RPRD1A: variants seen among roughly 807,000 people sequenced by gnomAD.
The protein encoded by RPRD1A is regulation of nuclear pre-mRNA domain-containing protein 1A.
In RPRD1A, 9 loss-of-function variants were observed where a neutral mutation model predicts 37.8. The observed-to-expected ratio is 0.24, with a 90% CI of 0.14 to 0.42. The LOEUF is 0.42. Among genes scored for constraint, RPRD1A ranks in the 10% least tolerant of loss-of-function variants. The pLI is 1.00. For synonymous variants in RPRD1A, 138 were observed against 139.7 expected, an observed-to-expected ratio of 0.99 and a Z score of 0.08; for missense variants, 255 against 371.0, an observed-to-expected ratio of 0.69 and a Z score of 2.57.
intron 1 of RPRD1A, among the ~76,000 whole-genome samples, chr18:36,057,056 A>T: frequency 8.0e-6 from 1 of 124,532 alleles, no homozygotes. Flanking sequence ...TTCTACAAAA[A>T]AAAAAAAAAA....
chr18:36,034,659 A>C (rs968034706), intron 1 of RPRD1A, among the ~76,000 whole-genome samples: 2 of 152,234 alleles, frequency 1.3e-5, no homozygotes, highest in Non-Finnish European at 2.9e-5. Flanking sequence ...AGTTATATTC[A>C]GAAGCATCAT....
At position 35,993,054 on chromosome 18, in the gene RPRD1A, C is replaced by A; in HGVS notation, c.*97G>T. 9.5e-7 allele frequency: 1 copy of A among 1,052,544 alleles called. No homozygotes were observed. Among genetic ancestry groups the A allele is most frequent in the Non-Finnish European group, 1.3e-6 (1 of 766,984 alleles). The allele number at this position is 1,052,544 out of a possible 1,614,324, so 65.2% of individuals were successfully genotyped here. On this transcript the variant is annotated 3_prime_UTR_variant, in exon 7 of 7. Transcript: ENST00000399022. ...CTCGTTGTTCCTTTTGTTAGTGTTT[C>A]TTTCTCAACAATATACAAAAATAAC...
intron 6 of RPRD1A, among the ~76,000 whole-genome samples, chr18:36,018,747 A>G (rs1910778650): frequency 6.6e-6 from 1 of 152,194 alleles, no homozygotes; most frequent in Non-Finnish European, 1.5e-5. Flanking sequence ...CTAAGTATAT[A>G]AAGTATTAAT....
At chr18:36,046,692 C>T (rs757626227) in intron 1 of RPRD1A, among the ~76,000 whole-genome samples, 2 of 151,690 alleles carry the variant, frequency 1.3e-5, no homozygotes, top group Non-Finnish European at 2.9e-5. Context: ...CAAAATCAGC[C>T]AGGCGTGGTG....
At chr18:36,022,201 G>A (rs1911040144) in intron 6 of RPRD1A, among the ~76,000 whole-genome samples, 2 of 152,206 alleles carry the variant, frequency 1.3e-5, no homozygotes, top group South Asian at 2.1e-4. Flanking sequence ...AGCTACAGAA[G>A]CAAAGTTTGA....
chr18:36,047,218 A>C (rs1228187502), intron 1 of RPRD1A, among the ~76,000 whole-genome samples: 1 of 151,292 alleles, frequency 6.6e-6, no homozygotes, highest in African/African-American at 2.4e-5. Context: ...GAAATAAATA[A>C]ATAAATAAAT....
At chr18:36,005,073 G>A (rs1158807014) in intron 6 of RPRD1A, among the ~76,000 whole-genome samples, 5 of 152,256 alleles carry the variant, frequency 3.3e-5, no homozygotes, top group South Asian at 2.1e-4. Context: ...AGGCCGAGGC[G>A]GGTGGATCAC....
intron 1 of RPRD1A, among the ~76,000 whole-genome samples, chr18:36,049,714 G>T (rs563402906): frequency 1.3e-5 from 2 of 152,250 alleles, no homozygotes; most frequent in African/African-American, 4.8e-5. Flanking sequence ...TTTATCTGTT[G>T]TTGGACACTT....
chr18:36,032,987 A>G (rs989009177), intron 2 of RPRD1A, among the ~76,000 whole-genome samples: 2 of 152,192 alleles, frequency 1.3e-5, no homozygotes, highest in East Asian at 1.9e-4. Flanking sequence ...TGCGATGTAC[A>G]AAATTACCCA....
chr18:36,035,181 C>A (rs1204604438), intron 1 of RPRD1A, among the ~76,000 whole-genome samples: 1 of 152,114 alleles, frequency 6.6e-6, no homozygotes, highest in Non-Finnish European at 1.5e-5. Context: ...CCTCTCAATC[C>A]CACCCACAAA....
At position 36,008,573 on chromosome 18, in the gene RPRD1A, G is replaced by GTATA. The variant is rs1339247337; in HGVS notation, c.790-15274_790-15273insTATA. Among the ~76,000 whole-genome samples, 4 of 36,638 alleles carry GTATA rather than the reference G, an allele frequency of 1.1e-4. 1 individual carries two copies. Among genetic ancestry groups the GTATA allele is most frequent in the African/African-American group, 4.9e-4 (4 of 8,088 alleles). The allele number at this position is 36,638 out of a possible 152,430, so 24.0% of individuals were successfully genotyped here. On this transcript the variant is annotated intron_variant, in intron 6 of 6. Coordinates refer to ENST00000399022, the MANE Select transcript of RPRD1A (RefSeq NM_018170.5). ...CCTGGGCGACACAGCAAGACCTTGT[G>GTATA]TGTGTATATATATATATCTTTAAAA...
At chr18:36,040,670 G>A (rs1912517261) in intron 1 of RPRD1A, 1 of 523,976 alleles carries the variant, frequency 1.9e-6, no homozygotes, top group African/African-American at 2.0e-5. Context: ...TTCAAAACTA[G>A]AGTTGTGATC....
rs138414015 is a variant in RPRD1A, at chr18:36,028,794, A to G, written c.487-1484T>C. Among the ~76,000 whole-genome samples, 310 of 152,348 alleles carry G rather than the reference A, an allele frequency of 2.0e-3. 1 individual carries two copies. Among genetic ancestry groups the G allele is most frequent in the African/African-American group, 6.8e-3 (284 of 41,584 alleles). On this transcript the variant is annotated intron_variant, in intron 4 of 6. Coordinates refer to ENST00000399022, the MANE Select transcript of RPRD1A (RefSeq NM_018170.5). ...TGAAGACCACAAAGCTGAACCATTGATAATTAAGCAGCACAACTAATCTAA... is the reference window on the plus strand; with the variant it reads ...TGAAGACCACAAAGCTGAACCATTGGTAATTAAGCAGCACAACTAATCTAA...
At chr18:36,047,698 T>C (rs1164400977) in intron 1 of RPRD1A, among the ~76,000 whole-genome samples, 48 of 152,120 alleles carry the variant, frequency 3.2e-4, no homozygotes, top group Admixed American at 3.1e-3. Flanking sequence ...TATGAACAAC[T>C]CTAGGCATAT....
intron 6 of RPRD1A, among the ~76,000 whole-genome samples, chr18:36,019,044 T>C (rs1160784923): frequency 4.7e-5 from 7 of 150,530 alleles, no homozygotes; most frequent in Non-Finnish European, 7.4e-5. Context: ...TGATACAAGA[T>C]GAGGTTAAAT....
chr18:36,059,713 C>T (rs145008081), intron 1 of RPRD1A, among the ~76,000 whole-genome samples: 1 of 152,060 alleles, frequency 6.6e-6, no homozygotes, highest in African/African-American at 2.4e-5. Flanking sequence ...AAATAAAAGA[C>T]AGATGGCACC....
At chr18:36,014,737 C>T (rs555250498) in intron 6 of RPRD1A, among the ~76,000 whole-genome samples, 33 of 151,974 alleles carry the variant, frequency 2.2e-4, no homozygotes, top group Admixed American at 1.8e-3. Context: ...AGCGAGACTC[C>T]GTCTCAAGAA....
chr18:36,024,334 T>TA (rs933391494), intron 6 of RPRD1A, among the ~76,000 whole-genome samples: 5 of 149,666 alleles, frequency 3.3e-5, no homozygotes, highest in African/African-American at 7.4e-5. Context: ...TTTTTTTTTT[T>TA]AAGTAGAGAT....
intron 6 of RPRD1A, among the ~76,000 whole-genome samples, chr18:36,004,126 C>T (rs988074698): frequency 2.0e-5 from 3 of 149,920 alleles, no homozygotes; most frequent in Non-Finnish European, 4.5e-5. Flanking sequence ...CCACTGCACC[C>T]AGACAAATTC....
Sources: allele counts gnomAD v4.1 joint callset (sites outside exome capture counted in the v4.1 genomes callset), GRCh38; gene constraint gnomAD v4.1.1; transcripts MANE v1.5; gene names NCBI Gene and HGNC (gene_info 2026-07-23, HGNC 2026-07-21).